DAB1: variants seen among roughly 807,000 people sequenced by gnomAD.
DAB1 encodes DAB adaptor protein 1, also known as disabled homolog 1.
A neutral mutation model predicts 64.6 loss-of-function variants in DAB1; 15 were observed. The observed-to-expected ratio is 0.23, with a 90% CI of 0.16 to 0.36. DAB1 has a LOEUF of 0.36. Ranked by LOEUF, DAB1 falls within the 10% of genes least tolerant of loss-of-function variation. The pLI is 1.00. For synonymous variants in DAB1, 235 were observed against 251.9 expected (o/e 0.93, Z 0.64); for missense variants, 596 against 706.7 (o/e 0.84, Z 1.78).
At chr1:57,424,788 G>T (rs189929205), upstream of DAB1, among the ~76,000 whole-genome samples, 633 of 152,254 alleles carry the variant, frequency 4.2e-3, 8 homozygotes, top group Non-Finnish European at 5.6e-3. Context: ...CAAGTTGGGA[G>T]GGAGAAGGCT....
At chr1:57,972,391 C>T (rs1171890431) in intron 5 of DAB1, among the ~76,000 whole-genome samples, 1 of 152,120 alleles carries the variant, frequency 6.6e-6, no homozygotes, top group African/African-American at 2.4e-5. Flanking sequence ...CATGAGCCAC[C>T]ATACCTGGTT....
At chr1:57,143,963 T>C (rs1341773759) in intron 3 of DAB1, among the ~76,000 whole-genome samples, 1 of 151,656 alleles carries the variant, frequency 6.6e-6, no homozygotes, top group Non-Finnish European at 1.5e-5. Context: ...TATGCTCATA[T>C]ATATTGTTAG....
chr1:57,231,166 G>A (rs75235283), intron 2 of DAB1, among the ~76,000 whole-genome samples: 11,083 of 151,982 alleles, frequency 0.073, 1,344 homozygotes, highest in African/African-American at 0.25. Context: ...TTATAAAAGC[G>A]AAGCCCACAT....
chr1:57,222,107 T>A (rs1666923973), intron 2 of DAB1, among the ~76,000 whole-genome samples: 1 of 152,046 alleles, frequency 6.6e-6, no homozygotes, highest in African/African-American at 2.4e-5. Context: ...TTGTTGTTAT[T>A]GTTCCTTTTT....
intron 2 of DAB1, among the ~76,000 whole-genome samples, chr1:57,226,672 AATATAT>A (rs61660460): frequency 7.4e-5 from 10 of 135,996 alleles, no homozygotes; most frequent in African/African-American, 1.2e-4. Context: ...TTAAAAAAAA[AATATAT>A]ATATATATAT....
At chr1:57,040,546 G>T (rs1382950508) in intron 9 of DAB1, among the ~76,000 whole-genome samples, 1 of 152,166 alleles carries the variant, frequency 6.6e-6, no homozygotes. Flanking sequence ...CTCTTCCCTT[G>T]CCTTATCTCC....
intron 8 of DAB1, among the ~76,000 whole-genome samples, chr1:57,067,658 A>G (rs527444576): frequency 2.0e-5 from 3 of 152,298 alleles, no homozygotes; most frequent in South Asian, 4.1e-4. Flanking sequence ...TAAAGTGGTA[A>G]TTGCAAAAAA....
intron 5 of DAB1, among the ~76,000 whole-genome samples, chr1:58,091,639 T>TC (rs1650663191): frequency 6.6e-6 from 1 of 152,048 alleles, no homozygotes; most frequent in African/African-American, 2.4e-5. Flanking sequence ...AGGCCAACTC[T>TC]CCCTTCCAGA....
At position 57,015,527 on chromosome 1, in the gene DAB1, CAACT is replaced by C. The variant is rs1266824369; in HGVS notation, c.896-100_896-97del. ...TAATTGACAGAAATGTATCAAGCAC[CAACT>C]AAGTGCCAGACTGTGTGCCAGGGAC... is the stretch of plus-strand genomic sequence containing the variant. On this transcript the variant is annotated intron_variant, in intron 11 of 14. Transcript: ENST00000371236. The C allele has an allele frequency of 4.5e-6, 5 of 1,121,446 alleles. No homozygotes were observed. In the African/African-American group the frequency reaches 7.8e-5, roughly 18 times the overall value. The allele number at this position is 1,121,446 out of a possible 1,614,324, so 69.5% of individuals were successfully genotyped here.
intron 5 of DAB1, among the ~76,000 whole-genome samples, chr1:57,987,369 A>C (rs1042935686): frequency 1.3e-5 from 2 of 152,092 alleles, no homozygotes; most frequent in African/African-American, 4.8e-5. Flanking sequence ...CACTGATATG[A>C]TCTCACTCAA....
At chr1:57,161,662 C>CT (rs1660763516) in intron 2 of DAB1, among the ~76,000 whole-genome samples, 1 of 152,020 alleles carries the variant, frequency 6.6e-6, no homozygotes, top group Admixed American at 6.6e-5. Context: ...TAAACAAGTG[C>CT]TTTTTATTTT....
At chr1:57,891,388 G>C (rs1644311403) in intron 5 of DAB1, among the ~76,000 whole-genome samples, 1 of 152,196 alleles carries the variant, frequency 6.6e-6, no homozygotes, top group Non-Finnish European at 1.5e-5. Context: ...GAGAAAATAG[G>C]AACGCTTTCA....
Position 58,181,922 on chromosome 1 carries a change from A to C in DAB1, n.310-31334T>G, listed in dbSNP as rs188532769. Among the ~76,000 whole-genome samples the C allele has an allele frequency of 2.5e-3, 382 of 152,080 alleles. 4 individuals carry two copies. Among genetic ancestry groups the C allele is most frequent in the Non-Finnish European group, 3.8e-3 (259 of 67,942 alleles). ...TATTTCTCCATGAATTCAAGCTATC[A>C]CCTAGTGTCATTTTCTTTCAGTCCA... On this transcript the variant is annotated intron_variant and non_coding_transcript_variant, in intron 4 of 20. Coordinates refer to the DAB1 transcript ENST00000485760.
intron 1 of DAB1, among the ~76,000 whole-genome samples, chr1:57,853,192 G>A (rs1569850942): frequency 6.6e-6 from 1 of 151,836 alleles, no homozygotes; most frequent in South Asian, 2.1e-4. Flanking sequence ...TTAAGTAGAA[G>A]CTTAGAAAAG....
chr1:57,397,043 G>T (rs1321981168), intron 1 of DAB1, among the ~76,000 whole-genome samples: 2 of 152,120 alleles, frequency 1.3e-5, no homozygotes, highest in African/African-American at 2.4e-5. Context: ...TTATTCAACA[G>T]AAATCATCAA....
intron 3 of DAB1, among the ~76,000 whole-genome samples, chr1:58,418,582 C>A (rs1644743628): frequency 6.6e-6 from 1 of 152,062 alleles, no homozygotes; most frequent in Admixed American, 6.5e-5. Flanking sequence ...CAGTCTGCTA[C>A]AGGAGATTGA....
At chr1:57,079,435 A>T (rs1178616126) in intron 4 of DAB1, among the ~76,000 whole-genome samples, 1 of 152,194 alleles carries the variant, frequency 6.6e-6, no homozygotes, top group East Asian at 1.9e-4. Context: ...TCCTGCCTGG[A>T]TTACCGCAGT....
chr1:57,104,203 T>C (rs1260561050), intron 4 of DAB1, among the ~76,000 whole-genome samples: 1 of 152,152 alleles, frequency 6.6e-6, no homozygotes. Context: ...ATGGTGGTTG[T>C]GCTGCAACAT....
chr1:58,184,160 T>C (rs1209253163), intron 4 of DAB1, among the ~76,000 whole-genome samples: 1 of 151,982 alleles, frequency 6.6e-6, no homozygotes, highest in African/African-American at 2.4e-5. Context: ...GGGATTTAGA[T>C]GGAAAGTCTT....
Sources: gnomAD v4.1 joint callset for allele counts (sites outside exome capture counted in the v4.1 genomes callset) on GRCh38, gnomAD v4.1.1 for gene constraint, MANE v1.5 for transcripts, NCBI Gene and HGNC (gene_info 2026-07-23, HGNC 2026-07-21) for gene names.